The following THSD7B variants were observed in gnomAD, a reference collection of about 807,000 sequenced individuals.
THSD7B encodes thrombospondin type 1 domain containing 7B.
Under a neutral mutation model 213.6 loss-of-function variants are expected in THSD7B, and 138 were observed. The ratio of observed to expected loss-of-function variants is 0.65; its 90% CI spans 0.56 to 0.74. The LOEUF is 0.74. Among genes scored for constraint, THSD7B ranks in the 30% least tolerant of loss-of-function variants. The pLI is 0.00. For synonymous variants in THSD7B, 742 were observed against 687.0 expected (o/e 1.08, Z -1.25); for missense variants, 1,931 against 1,991.5 (o/e 0.97, Z 0.58).
chr2:137,201,468 C>T, intron 7 of THSD7B, among the ~76,000 whole-genome samples: 1 of 152,104 alleles, frequency 6.6e-6, no homozygotes. Context: ...GGTAATTCTA[C>T]TTTTATTTTC....
chr2:137,168,150 G>A (rs1377444917), intron 6 of THSD7B, among the ~76,000 whole-genome samples: 2 of 152,148 alleles, frequency 1.3e-5, no homozygotes, highest in Non-Finnish European at 2.9e-5. Context: ...GTTAGTTTAT[G>A]CATGTGCCTT....
chr2:137,438,266 T>G (rs1383184604), intron 14 of THSD7B, among the ~76,000 whole-genome samples: 1 of 152,172 alleles, frequency 6.6e-6, no homozygotes, highest in African/African-American at 2.4e-5. Flanking sequence ...TAAGCCCATG[T>G]TGTTATCTAC....
chr2:137,581,498 C>T (rs1168036558), intron 17 of THSD7B, among the ~76,000 whole-genome samples: 2 of 151,810 alleles, frequency 1.3e-5, no homozygotes, highest in Non-Finnish European at 2.9e-5. Context: ...TGAGGCAGGA[C>T]ACACGGGAGG....
chr2:137,473,321 G>A (rs1476930162), intron 15 of THSD7B, among the ~76,000 whole-genome samples: 1 of 151,876 alleles, frequency 6.6e-6, no homozygotes, highest in East Asian at 1.9e-4. Flanking sequence ...CCAGGTTCAC[G>A]CCATTCTCCT....
chr2:136,976,280 A>G (rs144637787), intron 2 of THSD7B, among the ~76,000 whole-genome samples: 2 of 152,312 alleles, frequency 1.3e-5, no homozygotes, highest in East Asian at 3.9e-4. Flanking sequence ...GCTTTTGCCC[A>G]TTCATTATGA....
intron 7 of THSD7B, among the ~76,000 whole-genome samples, chr2:137,220,243 G>GA (rs3083552): frequency 0.047 from 7,020 of 149,908 alleles, 196 homozygotes; most frequent in Admixed American, 0.069. Flanking sequence ...TTAGAAAATG[G>GA]AAAAAAAAAA....
intron 7 of THSD7B, among the ~76,000 whole-genome samples, chr2:137,195,110 G>T (rs191726400): frequency 6.6e-6 from 1 of 151,922 alleles, no homozygotes; most frequent in African/African-American, 2.4e-5. Flanking sequence ...CCTGTTCATA[G>T]AGCACAGGGG....
At chr2:137,357,663 T>C (rs2104929805) in intron 12 of THSD7B, among the ~76,000 whole-genome samples, 1 of 152,256 alleles carries the variant, frequency 6.6e-6, no homozygotes, top group Admixed American at 6.5e-5. Flanking sequence ...TTGGAGAAAA[T>C]GGATAGCCTA....
At chr2:137,369,125 T>G in intron 12 of THSD7B, among the ~76,000 whole-genome samples, 1 of 81,916 alleles carries the variant, frequency 1.2e-5, no homozygotes, top group Non-Finnish European at 2.3e-5. Flanking sequence ...TTGTTGTTGT[T>G]GTTTGGAGGG....
intron 7 of THSD7B, among the ~76,000 whole-genome samples, chr2:137,214,836 A>G (rs1195028425): frequency 6.6e-6 from 1 of 152,052 alleles, no homozygotes; most frequent in Non-Finnish European, 1.5e-5. Flanking sequence ...TCTATCGCTG[A>G]TGGGCATTTG....
chr2:137,250,312 A>G lies in THSD7B; in HGVS notation c.2266+7740A>G, dbSNP rs185814229. The stretch of plus-strand genomic sequence containing the variant: ...GGGGTATAATGTGATGTTTTGATAC[A>G]TGTATACATGATGGAATGATTAAAT... On this transcript the variant is annotated intron_variant, in intron 10 of 27. Coordinates refer to ENST00000409968, the MANE Select transcript of THSD7B (RefSeq NM_001316349.2). 3.5e-3 allele frequency among the ~76,000 whole-genome samples: 536 copies of G among 152,300 alleles called. 4 individuals carry two copies. The highest frequency in any genetic ancestry group is 0.01 in the Middle Eastern group (3 of 294).
intron 15 of THSD7B, among the ~76,000 whole-genome samples, chr2:137,491,400 G>T (rs1296798921): frequency 6.6e-6 from 1 of 152,166 alleles, no homozygotes; most frequent in African/African-American, 2.4e-5. Context: ...GTTTTTGATA[G>T]AACTATTACT....
intron 2 of THSD7B, among the ~76,000 whole-genome samples, chr2:137,040,317 G>C (rs1686856059): frequency 6.6e-6 from 1 of 151,916 alleles, no homozygotes; most frequent in Non-Finnish European, 1.5e-5. Context: ...TCTTCCTCTA[G>C]GTGGAAGCTA....
At chr2:136,868,065 A>G (rs549499777) in intron 1 of THSD7B, among the ~76,000 whole-genome samples, 2 of 152,126 alleles carry the variant, frequency 1.3e-5, no homozygotes, top group Non-Finnish European at 2.9e-5. Flanking sequence ...TTCAGGCTCT[A>G]TTGGTCTGTT....
chr2:136,806,286 AC>A (rs1397597781), intron 1 of THSD7B, among the ~76,000 whole-genome samples: 8 of 152,222 alleles, frequency 5.3e-5, no homozygotes, highest in African/African-American at 1.9e-4. Flanking sequence ...GAGTCAGCAA[AC>A]ACAGGTTTGA....
At chr2:137,228,146 GTTT>G (rs34200711) in intron 7 of THSD7B, among the ~76,000 whole-genome samples, 1 of 118,970 alleles carries the variant, frequency 8.4e-6, no homozygotes, top group Non-Finnish European at 1.8e-5. Flanking sequence ...CTGTGCAGCT[GTTT>G]TTTTTTTTTT....
At chr2:137,073,335 G>C (rs1173202263) in intron 3 of THSD7B, among the ~76,000 whole-genome samples, 1 of 152,158 alleles carries the variant, frequency 6.6e-6, no homozygotes, top group Non-Finnish European at 1.5e-5. Flanking sequence ...AGTCTTGGGA[G>C]GATGTATGTG....
chr2:136,967,642 A>G (rs1293381207), intron 2 of THSD7B, among the ~76,000 whole-genome samples: 1 of 152,240 alleles, frequency 6.6e-6, no homozygotes, highest in South Asian at 2.1e-4. Flanking sequence ...AGTTTGAAGA[A>G]TAATGGTAAA....
intron 15 of THSD7B, among the ~76,000 whole-genome samples, chr2:137,465,401 T>A (rs1305645010): frequency 6.6e-6 from 1 of 152,074 alleles, no homozygotes; most frequent in Non-Finnish European, 1.5e-5. Context: ...TTACATGAGA[T>A]TTATGACCCC....
Sources: gnomAD v4.1 joint callset for allele counts (sites outside exome capture counted in the v4.1 genomes callset) on GRCh38, gnomAD v4.1.1 for gene constraint, MANE v1.5 for transcripts, NCBI Gene and HGNC (gene_info 2026-07-23, HGNC 2026-07-21) for gene names.